FGD4: variants seen among roughly 807,000 people sequenced by gnomAD.
The protein encoded by FGD4 is FYVE, RhoGEF and PH domain-containing protein 4.
Under a neutral mutation model 102.0 loss-of-function variants are expected in FGD4, and 42 were observed. The ratio of observed to expected loss-of-function variants is 0.41; its 90% confidence interval spans 0.32 to 0.53. The LOEUF (loss-of-function observed/expected upper bound fraction) is 0.53, where lower values mean the gene tolerates loss of function less well. FGD4 is among the 20% of genes least tolerant of loss of function. FGD4 has a pLI of 0.21. For missense variants in FGD4, 902 were observed against 1,078.2 expected, an observed-to-expected ratio of 0.84 and a Z score of 2.29; for synonymous variants, 380 against 375.7, an observed-to-expected ratio of 1.01 and a Z score of -0.13.
In FGD4 at chr12:32,612,066, C is replaced by A. The variant is rs570913705; in HGVS notation, c.1749+783C>A. On this transcript the variant is annotated intron_variant, in intron 10 of 16. Transcript: ENST00000534526. Reference sequence around the variant, plus strand: ...ACACACTTGGGGCAGCGCTGATATGCCAGCCCCCTGGTATCTCAGCCCCTT... The same window carrying A: ...ACACACTTGGGGCAGCGCTGATATGACAGCCCCCTGGTATCTCAGCCCCTT... Among the ~76,000 whole-genome samples the A allele has an allele frequency of 1.3e-4, 20 of 152,344 alleles. No homozygotes were observed. In the East Asian group the frequency reaches 3.9e-3, roughly 29 times the overall value.
chr12:32,542,768 C>T (rs1942942239), intron 1 of FGD4, among the ~76,000 whole-genome samples: 2 of 152,152 alleles, frequency 1.3e-5, no homozygotes, highest in South Asian at 4.1e-4. Flanking sequence ...GAAGTTTCTC[C>T]TTGTATAGGA....
chr12:32,617,757 G>T (rs966944780), intron 10 of FGD4, among the ~76,000 whole-genome samples: 6 of 152,234 alleles, frequency 3.9e-5, no homozygotes, highest in Non-Finnish European at 1.5e-5. Flanking sequence ...ATTTGTGAAA[G>T]GTGGTGGTGG....
intron 1 of FGD4, among the ~76,000 whole-genome samples, chr12:32,419,433 G>C (rs1010539912): frequency 2.6e-5 from 4 of 152,110 alleles, no homozygotes; most frequent in African/African-American, 9.7e-5. Flanking sequence ...TCTGTGACAG[G>C]GCAGCACTGA....
At chr12:32,422,920 G>A (rs544415569) in intron 1 of FGD4, among the ~76,000 whole-genome samples, 2 of 152,018 alleles carry the variant, frequency 1.3e-5, no homozygotes, top group Non-Finnish European at 2.9e-5. Flanking sequence ...TACCCTCATC[G>A]TACAGAAGAG....
At chr12:32,460,577 A>G (rs1943077821) in intron 1 of FGD4, among the ~76,000 whole-genome samples, 1 of 152,120 alleles carries the variant, frequency 6.6e-6, no homozygotes, top group Non-Finnish European at 1.5e-5. Flanking sequence ...ACATGTATAG[A>G]ATTTATAAGT....
chr12:32,640,134 G>A, intron 16 of FGD4, 142 bp from the exon 17 acceptor site: 2 of 1,236,320 alleles, frequency 1.6e-6, no homozygotes, highest in Non-Finnish European at 1.2e-6. Flanking sequence ...CTAAGCAATG[G>A]GATTGCCCTC....
intron 12 of FGD4, 26 bp from the exon 13 acceptor site, chr12:32,624,950 T>A (rs1160425689): frequency 3.2e-6 from 5 of 1,584,284 alleles, no homozygotes; most frequent in Non-Finnish European, 4.3e-6. Flanking sequence ...CTTTAATGTG[T>A]GCTTTGAATT....
At chr12:32,593,809 G>C (rs1467353978) in intron 4 of FGD4, among the ~76,000 whole-genome samples, 1 of 152,210 alleles carries the variant, frequency 6.6e-6, no homozygotes, top group Admixed American at 6.5e-5. Flanking sequence ...CATAGGATAT[G>C]AGTGAGTCAA....
intron 1 of FGD4, among the ~76,000 whole-genome samples, chr12:32,410,378 G>T (rs1941153363): frequency 6.6e-6 from 1 of 152,000 alleles, no homozygotes; most frequent in Non-Finnish European, 1.5e-5. Context: ...ACTCAGGAGG[G>T]TGAGGTGGGA....
intron 1 of FGD4, among the ~76,000 whole-genome samples, chr12:32,529,094 C>G (rs761661895): frequency 6.6e-6 from 1 of 152,152 alleles, no homozygotes; most frequent in South Asian, 2.1e-4. Flanking sequence ...TATTAAGCCT[C>G]GGAGACGTGC....
In FGD4 at chr12:32,486,140, G is replaced by A. The variant is rs190187855; in HGVS notation, c.167-77997G>A. The A allele has an allele frequency of 1.6e-4, 251 of 1,527,346 alleles. 1 individual carries two copies. In the African/African-American group the frequency reaches 3.3e-3, roughly 20 times the overall value. 94.6% of individuals were successfully genotyped at this position (1,527,346 alleles called of 1,614,324 possible). A position where few individuals can be genotyped will look rare whatever the true frequency, so the allele number is the denominator to read the frequency against. On this transcript the variant is annotated intron_variant, in intron 1 of 16. Transcript: ENST00000534526. ...GTTATGAAAAGAATCTTTTATGGGG[G>A]GCTGTGAGTATTGTTTTGCAATTGC...
chr12:32,497,098 A>G (rs1430330666), intron 1 of FGD4, among the ~76,000 whole-genome samples: 1 of 152,160 alleles, frequency 6.6e-6, no homozygotes, highest in African/African-American at 2.4e-5. Flanking sequence ...AGACTTTCCT[A>G]GTCAATGTTG....
At position 32,642,981 on chromosome 12, in the gene FGD4, C is replaced by G. The variant is rs1286525023; in HGVS notation, c.*2448C>G. ...GACAACCTAAAAATATCATTGGTTG[C>G]TTTCCCATTAAAACCAACGTTCCCT... is the stretch of plus-strand genomic sequence containing the variant. On this transcript the variant is annotated 3_prime_UTR_variant, in exon 17 of 17. Transcript: ENST00000534526. The G allele has an allele frequency of 6.6e-6, 1 of 152,488 alleles. No individual in the cohort carries two copies. Among genetic ancestry groups the G allele is most frequent in the Non-Finnish European group, 1.5e-5 (1 of 67,946 alleles). The allele number at this position is 152,488 out of a possible 1,614,324, so 9.4% of individuals were successfully genotyped here.
chr12:32,449,242 T>C (rs904701658), intron 1 of FGD4, among the ~76,000 whole-genome samples: 2 of 152,214 alleles, frequency 1.3e-5, no homozygotes, highest in African/African-American at 2.4e-5. Flanking sequence ...AGCTGTAATA[T>C]AGCTATCAAA....
chr12:32,530,377 A>C (rs1592127738), intron 1 of FGD4, among the ~76,000 whole-genome samples: 1 of 152,074 alleles, frequency 6.6e-6, no homozygotes, highest in East Asian at 1.9e-4. Context: ...CAGCTACTAG[A>C]GAAGCTGAGC....
At chr12:32,471,742 C>T (rs1156807018) in intron 1 of FGD4, among the ~76,000 whole-genome samples, 1 of 152,058 alleles carries the variant, frequency 6.6e-6, no homozygotes, top group South Asian at 2.1e-4. Context: ...AGCTGGGACC[C>T]GGTGGCTGCT....
chr12:32,631,639 G>C (rs1470998309), intron 14 of FGD4, among the ~76,000 whole-genome samples: 1 of 151,770 alleles, frequency 6.6e-6, no homozygotes. Context: ...CAAGTAGCTG[G>C]GACTACAGGC....
chr12:32,632,344 G>T (rs1950540877), intron 14 of FGD4, among the ~76,000 whole-genome samples: 1 of 152,306 alleles, frequency 6.6e-6, no homozygotes, highest in South Asian at 2.1e-4. Context: ...AAAATTAAAA[G>T]CTGTAGTCAG....
At chr12:32,575,057 T>C (rs1024693655) in intron 2 of FGD4, among the ~76,000 whole-genome samples, 3 of 152,228 alleles carry the variant, frequency 2.0e-5, no homozygotes, top group Non-Finnish European at 4.4e-5. Context: ...TTTTATCATC[T>C]ACAGTGTGTT....
Sources: allele counts gnomAD v4.1 joint callset (sites outside exome capture counted in the v4.1 genomes callset), GRCh38; gene constraint gnomAD v4.1.1; transcripts MANE v1.5; gene names NCBI Gene and HGNC (gene_info 2026-07-23, HGNC 2026-07-21).